Variants in FANCI observed in about 807,000 individuals in gnomAD.
The protein encoded by FANCI is Fanconi anemia group I protein.
FANCI carries 156 observed loss-of-function variants against 176.1 expected under a neutral mutation model. The observed-to-expected ratio is 0.89, with a 90% CI of 0.78 to 1.01. The LOEUF (loss-of-function observed/expected upper bound fraction) is 1.01, where lower values mean the gene tolerates loss of function less well. Among genes scored for constraint, FANCI ranks in the 50% least tolerant of loss-of-function variants. The pLI is 0.00. For missense variants in FANCI, 1,678 were observed against 1,534.1 expected, an observed-to-expected ratio of 1.09 and a Z score of -1.57; for synonymous variants, 613 against 541.7, an observed-to-expected ratio of 1.13 and a Z score of -1.83.
chr15:89,267,456 T>C (rs2053017759), intron 9 of FANCI, among the ~76,000 whole-genome samples: 1 of 152,140 alleles, frequency 6.6e-6, no homozygotes, highest in South Asian at 2.1e-4. Flanking sequence ...TGGGACTTTA[T>C]TGTTTTTGAC....
At chr15:89,290,530 A>G (rs1248949465) in intron 19 of FANCI, 6 of 486,192 alleles carry the variant, frequency 1.2e-5, no homozygotes, top group Non-Finnish European at 2.2e-5. Flanking sequence ...TCAGAAGGAC[A>G]TTTTGAAGAA....
In FANCI at chr15:89,306,073, G is replaced by C; in HGVS notation, c.3416G>C (p.Gly1139Ala). The C allele has an allele frequency of 6.2e-7, 1 of 1,614,200 alleles. No homozygotes were observed. The highest frequency in any genetic ancestry group is 1.7e-5 in the Admixed American group (1 of 60,016). Reference protein sequence around the residue: ...PVEKAIIMQLGTLLTFFHELV... With the variant: ...PVEKAIIMQLATLLTFFHELV... ...GAGAAAGCTATCATCATGCAACTGG[G>C]AACTCTGCTTACATTTTTCCACGAG... The change falls in exon 32 of 38, where the codon GGA becomes GCA. Residue 1139 changes from glycine (G) to alanine (A), a missense_variant. Gly to Ala is a moderately conservative substitution (Grantham distance 60). Around this residue, in one of 3 missense-constraint regions of FANCI, gnomAD observed 1,204 missense variants for 1,077.4 expected, o/e 1.12. Coordinates refer to ENST00000310775, the MANE Select transcript of FANCI (RefSeq NM_001113378.2).
intron 26 of FANCI, 124 bp from the exon 27 acceptor site, chr15:89,301,199 CTCT>C: frequency 1.3e-6 from 1 of 768,764 alleles, no homozygotes; most frequent in Non-Finnish European, 2.4e-6. Flanking sequence ...AGATTTTATC[CTCT>C]TAGAATTTTG....
rs1596243244 is a variant in FANCI at position 89,261,659 on chromosome 15, A to G, written c.363A>G (p.Leu121=). Residue 121 remains leucine, a synonymous_variant, in exon 5 of 38, where the codon CTA becomes CTG. Coordinates refer to ENST00000310775, the MANE Select transcript of FANCI (RefSeq NM_001113378.2). Reference sequence around the variant, plus strand: ...TTAGTGCTGTCAGAGAAGGCAGCCTAGTGAATGGAAAATCTTTGGAGTTAC... The same window carrying G: ...TTAGTGCTGTCAGAGAAGGCAGCCTGGTGAATGGAAAATCTTTGGAGTTAC... ...EFISAVREGS[L]VNGKSLELLP... The G allele has an allele frequency of 6.2e-7, 1 of 1,614,140 alleles. No homozygotes were observed. The highest frequency in any genetic ancestry group is 8.5e-7 in the Non-Finnish European group (1 of 1,179,998).
intron 20 of FANCI, among the ~76,000 whole-genome samples, chr15:89,292,033 C>T (rs2054088706): frequency 6.6e-6 from 1 of 152,198 alleles, no homozygotes; most frequent in Non-Finnish European, 1.5e-5. Context: ...CACCTACGAA[C>T]AGATGAACCT....
At position 89,304,044 on chromosome 15, in the gene FANCI, T is replaced by A. The variant is rs553311852; in HGVS notation, c.3058+129T>A. On this transcript the variant is annotated intron_variant, in intron 28 of 37. Coordinates refer to ENST00000310775, the MANE Select transcript of FANCI (RefSeq NM_001113378.2). ...GAGTGGCCAAAATGAAACAGACACC[T>A]AATACCAAGTCGAATTGTTGGCAAG... 1.9e-5 allele frequency: 16 copies of A among 826,378 alleles called. No homozygotes were observed. The East Asian group carries it at 3.6e-4, about 19-fold the overall frequency. 51.2% of individuals were successfully genotyped at this position (826,378 alleles called of 1,614,324 possible). A position where few individuals can be genotyped will look rare whatever the true frequency, so the allele number is the denominator to read the frequency against.
At chr15:89,265,998 CTT>C (rs34447883) in intron 9 of FANCI, among the ~76,000 whole-genome samples, 1,585 of 131,984 alleles carry the variant, frequency 0.012, 26 homozygotes, top group African/African-American at 0.042. Context: ...TTTCTTATTT[CTT>C]TTTTTTTTTT....
At chr15:89,300,071 A>G (rs2054471098) in intron 25 of FANCI, 105 bp downstream of exon 25, 1 of 1,338,796 alleles carries the variant, frequency 7.5e-7, no homozygotes, top group Non-Finnish European at 1.1e-6. Context: ...GAACAGTCCT[A>G]ATGTTGCTAA....
rs1364766277 is a variant in FANCI at position 89,301,431 on chromosome 15, T to C, written c.2995T>C (p.Ser999Pro). 2 of 1,611,534 alleles carry C rather than the reference T, an allele frequency of 1.2e-6. No individual in the cohort carries two copies. The highest frequency in any genetic ancestry group is 3.3e-5 in the Admixed American group (2 of 60,022). Residue 999 changes from serine (S) to proline (P), a missense_variant, in exon 27 of 38, where the codon TCC (serine) becomes CCC (proline). By Grantham distance (74) the Ser-to-Pro change is moderately conservative. Transcript: ENST00000310775. The part of the protein sequence containing the change: ...LTSLSKLLEP[S>P]SPQFVQMLSW... ...CAGTTTGTCCAAGTTACTGGAGCCCTCCTCTCCTCAGGTACTAGTACCGCT... is the reference window on the plus strand; with the variant it reads ...CAGTTTGTCCAAGTTACTGGAGCCCCCCTCTCCTCAGGTACTAGTACCGCT...
At chr15:89,268,652 T>A in intron 10 of FANCI, 127 bp downstream of exon 10, 3 of 188,176 alleles carry the variant, frequency 1.6e-5, no homozygotes, top group Non-Finnish European at 1.8e-5. Context: ...GGAGGATCTC[T>A]TTTTTTTTTT....
intron 26 of FANCI, 97 bp downstream of exon 26, chr15:89,300,482 G>A: frequency 9.6e-7 from 1 of 1,036,818 alleles, no homozygotes; most frequent in Non-Finnish European, 1.5e-6. Context: ...CAGTGACCAA[G>A]TAGGAGAAGA....
At chr15:89,253,681 C>T (rs983089225) in intron 2 of FANCI, among the ~76,000 whole-genome samples, 11 of 150,044 alleles carry the variant, frequency 7.3e-5, no homozygotes, top group Non-Finnish European at 1.2e-4. Flanking sequence ...TTTGTGTGGC[C>T]AGAAATACCA....
At chr15:89,308,076 T>G in intron 34 of FANCI, 1 of 1,127,322 alleles carries the variant, frequency 8.9e-7, no homozygotes, top group Non-Finnish European at 1.1e-6. Context: ...TTCAGGGAAG[T>G]GGAAGGACGT....
chr15:89,308,474 C>G (rs766605317), intron 34 of FANCI, among the ~76,000 whole-genome samples: 3 of 152,198 alleles, frequency 2.0e-5, no homozygotes, highest in Non-Finnish European at 4.4e-5. Flanking sequence ...AATGGGTCCA[C>G]TAAGTGTCAA....
chr15:89,305,288 GT>G (rs765845617), intron 29 of FANCI, 46 bp downstream of exon 29: 29 of 1,614,040 alleles, frequency 1.8e-5, no homozygotes, highest in Non-Finnish European at 2.5e-5. Flanking sequence ...GGGGATGGGG[GT>G]CAAGGGAACA....
At chr15:89,247,069 CTTTTT>C in intron 1 of FANCI, among the ~76,000 whole-genome samples, 1 of 135,890 alleles carries the variant, frequency 7.4e-6, no homozygotes. Flanking sequence ...GTGCCGGCCT[CTTTTT>C]TTTTTTTTTT....
At chr15:89,257,945 GCA>G (rs1306769182) in intron 2 of FANCI, among the ~76,000 whole-genome samples, 2 of 152,120 alleles carry the variant, frequency 1.3e-5, no homozygotes, top group Non-Finnish European at 2.9e-5. Flanking sequence ...AACTTCCGTT[GCA>G]CTTAGAGAAA....
At chr15:89,309,465 C>G (rs1357069548) in intron 34 of FANCI, among the ~76,000 whole-genome samples, 1 of 152,104 alleles carries the variant, frequency 6.6e-6, no homozygotes, top group Non-Finnish European at 1.5e-5. Context: ...ATTAAAGGTG[C>G]TGAGACCAGT....
At chr15:89,263,494 CCTG>C (rs1438272214) in intron 7 of FANCI, 34 bp downstream of exon 7, 1 of 1,555,748 alleles carries the variant, frequency 6.4e-7, no homozygotes, top group Non-Finnish European at 8.9e-7. Flanking sequence ...CTTTGTGTAT[CCTG>C]CTTTGTGAAC....
Sources: gnomAD v4.1 joint callset for allele counts (sites outside exome capture counted in the v4.1 genomes callset) on GRCh38, gnomAD v4.1.1 for gene constraint, gnomAD v4.1.1 regional missense constraint, MANE v1.5 for transcripts, NCBI Gene and HGNC (gene_info 2026-07-23, HGNC 2026-07-21) for gene names.